Variants in R3HCC1L observed in about 807,000 individuals in gnomAD.
R3HCC1L encodes the protein coiled-coil domain-containing protein R3HCC1L.
In R3HCC1L, 51 loss-of-function variants were observed where a neutral mutation model predicts 59.9. The observed-to-expected ratio is 0.85, with a 90% CI of 0.68 to 1.07. The LOEUF is 1.07. Ranked by LOEUF, R3HCC1L falls within the 50% of genes least tolerant of loss-of-function variation. The pLI, the probability that R3HCC1L is intolerant of heterozygous loss-of-function variation, is 0.00. For synonymous variants in R3HCC1L, 322 were observed against 315.2 expected, an observed-to-expected ratio of 1.02 and a Z score of -0.23; for missense variants, 965 against 933.0, an observed-to-expected ratio of 1.03 and a Z score of -0.45.
At chr10:98,191,355 G>A (rs937939742) in intron 4 of R3HCC1L, among the ~76,000 whole-genome samples, 3 of 152,292 alleles carry the variant, frequency 2.0e-5, no homozygotes, top group East Asian at 1.9e-4. Flanking sequence ...TCTAACTGGC[G>A]TGAGATGGTA....
intron 5 of R3HCC1L, among the ~76,000 whole-genome samples, chr10:98,220,407 TA>T (rs1854760464): frequency 9.2e-6 from 1 of 108,128 alleles, no homozygotes; most frequent in Non-Finnish European, 2.3e-5. Flanking sequence ...TTTTATACTC[TA>T]AGTTTTAGGG....
At chr10:98,174,904 C>A in intron 4 of R3HCC1L, 1 of 484,654 alleles carries the variant, frequency 2.1e-6, no homozygotes, top group Non-Finnish European at 2.7e-6. Context: ...ATTACCTTGG[C>A]ATTCTCGGAG....
chr10:98,198,411 C>T (rs4919185), intron 4 of R3HCC1L, among the ~76,000 whole-genome samples: 48,731 of 151,700 alleles, frequency 0.32, 7,989 homozygotes, highest in East Asian at 0.48. Flanking sequence ...TGCCAGTTTG[C>T]AAGTAGACCA....
At chr10:98,213,509 GAGGGAT>G (rs974576018) in intron 5 of R3HCC1L, among the ~76,000 whole-genome samples, 2 of 152,122 alleles carry the variant, frequency 1.3e-5, no homozygotes, top group African/African-American at 4.8e-5. Context: ...AAGGAGATTA[GAGGGAT>G]AGGACAGGGG....
rs7079762 is a variant in R3HCC1L at position 98,152,621 on chromosome 10, G to A, written c.-267-3472G>A. On this transcript the variant is annotated intron_variant, in intron 1 of 9. Coordinates refer to ENST00000298999, the MANE Select transcript of R3HCC1L (RefSeq NM_001351015.2). Reference sequence around the variant, plus strand: ...CCCAGCCGCCCATAGTCTGAGATGCGGGGAGCGCCTCTGCCCCGCCACCCC... The same window carrying A: ...CCCAGCCGCCCATAGTCTGAGATGCAGGGAGCGCCTCTGCCCCGCCACCCC... 7.6e-3 allele frequency among the ~76,000 whole-genome samples: 968 copies of A among 127,166 alleles called. 79 individuals carry two copies. The highest frequency in any genetic ancestry group is 0.023 in the African/African-American group (867 of 38,262). The allele number at this position is 127,166 out of a possible 152,430, so 83.4% of individuals were successfully genotyped here.
At chr10:98,228,953 T>C (rs1242593042) in intron 5 of R3HCC1L, among the ~76,000 whole-genome samples, 1 of 152,216 alleles carries the variant, frequency 6.6e-6, no homozygotes, top group Non-Finnish European at 1.5e-5. Flanking sequence ...ATCTCTGTTT[T>C]GGTACCAGTA....
At chr10:98,193,084 A>G (rs954774143) in intron 4 of R3HCC1L, among the ~76,000 whole-genome samples, 1 of 140,958 alleles carries the variant, frequency 7.1e-6, no homozygotes, top group African/African-American at 2.4e-5. Flanking sequence ...ATACCTTTTT[A>G]TGATAAAAAC....
chr10:98,232,562 T>G (rs368307145), intron 6 of R3HCC1L, among the ~76,000 whole-genome samples: 2 of 152,262 alleles, frequency 1.3e-5, no homozygotes, highest in African/African-American at 4.8e-5. Context: ...AGAAAGTTAT[T>G]AAGAAGATTT....
At position 98,197,202 on chromosome 10, in the gene R3HCC1L, A is replaced by G. The variant is rs572003567; in HGVS notation, c.-14-10899A>G. Among the ~76,000 whole-genome samples the G allele has an allele frequency of 2.5e-3, 315 of 125,494 alleles. 2 individuals are homozygous for G. The highest frequency in any genetic ancestry group is 0.022 in the South Asian group (71 of 3,270). The allele number at this position is 125,494 out of a possible 152,430, so 82.3% of individuals were successfully genotyped here. On this transcript the variant is annotated intron_variant, in intron 4 of 9. Transcript: ENST00000298999. Reference sequence around the variant, plus strand: ...TGACCTCGGATTACAGATGCAAGCCACCATGCCCCCCCCTCCACCCCTTCC... The same window carrying G: ...TGACCTCGGATTACAGATGCAAGCCGCCATGCCCCCCCCTCCACCCCTTCC...
At chr10:98,207,065 G>C (rs1852760861) in intron 4 of R3HCC1L, among the ~76,000 whole-genome samples, 1 of 152,208 alleles carries the variant, frequency 6.6e-6, no homozygotes, top group Non-Finnish European at 1.5e-5. Context: ...ATCTGGAATA[G>C]AGTGGACAGG....
intron 1 of R3HCC1L, among the ~76,000 whole-genome samples, chr10:98,135,739 C>A (rs1360534657): frequency 6.6e-6 from 1 of 152,208 alleles, no homozygotes. Flanking sequence ...AATTTAGACT[C>A]TTCTTCCTCA....
Position 98,152,538 on chromosome 10 carries a change from A to G in R3HCC1L, c.-267-3555A>G, listed in dbSNP as rs1846306528. ...TCTCTGCCCGGCCGCCCAGTCTGGG[A>G]AGTGAGGAGCGCCTCTTCCCGGCCG... is the stretch of plus-strand genomic sequence containing the variant. On this transcript the variant is annotated intron_variant, in intron 1 of 9. Coordinates refer to ENST00000298999, the MANE Select transcript of R3HCC1L (RefSeq NM_001351015.2). Among the ~76,000 whole-genome samples, 2 of 122,894 alleles carry G rather than the reference A, an allele frequency of 1.6e-5. 1 individual carries two copies. The highest frequency in any genetic ancestry group is 3.6e-5 in the Non-Finnish European group (2 of 55,122). 80.6% of individuals were successfully genotyped at this position (122,894 alleles called of 152,430 possible).
At chr10:98,191,573 A>T (rs924963429) in intron 4 of R3HCC1L, among the ~76,000 whole-genome samples, 1 of 152,076 alleles carries the variant, frequency 6.6e-6, no homozygotes, top group South Asian at 2.1e-4. Flanking sequence ...AGATGAGTAG[A>T]TTGCAAAAAT....
At position 98,206,227 on chromosome 10, in the gene R3HCC1L, TTTG is replaced by T. The variant is rs201863777; in HGVS notation, c.-14-1873_-14-1871del. On this transcript the variant is annotated intron_variant, in intron 4 of 9. Transcript: ENST00000298999. ...ACCTTTTTAAACATCACATCACTAT[TTTG>T]GGGCTTTTATTGACCTTGTGAACAA... Among the ~76,000 whole-genome samples the T allele has an allele frequency of 9.3e-5, 11 of 118,618 alleles. No homozygotes were observed. The East Asian group carries it at 2.8e-3, about 30-fold the overall frequency. 77.8% of individuals were successfully genotyped at this position (118,618 alleles called of 152,430 possible).
intron 4 of R3HCC1L, among the ~76,000 whole-genome samples, chr10:98,177,020 T>A (rs187042839): frequency 0.019 from 2,826 of 152,238 alleles, 39 homozygotes; most frequent in Non-Finnish European, 0.026. Flanking sequence ...GAACATTTTT[T>A]AAAATTAATT....
chr10:98,208,831 A>G lies in R3HCC1L; in HGVS notation c.717A>G (p.Leu239=), dbSNP rs558552458. 1 of 1,614,130 alleles carries G rather than the reference A, an allele frequency of 6.2e-7. No individual in the cohort carries two copies. Among genetic ancestry groups the G allele is most frequent in the African/African-American group, 1.3e-5 (1 of 75,046 alleles). Residue 239 remains leucine, a synonymous_variant, in exon 5 of 10, where the codon CTA becomes CTG. Coordinates refer to ENST00000298999, the MANE Select transcript of R3HCC1L (RefSeq NM_001351015.2). The part of the protein sequence containing the change: ...KPENMIVPIK[L]SSDSEIVQQS... Reference sequence around the variant, plus strand: ...AGAATATGATTGTACCAATAAAACTAAGCTCTGATTCTGAAATTGTACAAC... The same window carrying G: ...AGAATATGATTGTACCAATAAAACTGAGCTCTGATTCTGAAATTGTACAAC...
rs537264812 is a variant in R3HCC1L at position 98,144,541 on chromosome 10, G to A, written c.-268+9835G>A. Among the ~76,000 whole-genome samples the A allele has an allele frequency of 1.7e-4, 26 of 152,220 alleles. No individual in the cohort carries two copies. The East Asian group carries it at 2.9e-3, about 17-fold the overall frequency. On this transcript the variant is annotated intron_variant, in intron 1 of 9. Coordinates refer to ENST00000298999, the MANE Select transcript of R3HCC1L (RefSeq NM_001351015.2). ...GGCAGTAATCTTTAGATTTGTCTTC[G>A]TTTTGGATGGGAACCTAGGAGACTG...
At chr10:98,220,844 T>TG (rs1259134863) in intron 5 of R3HCC1L, among the ~76,000 whole-genome samples, 7 of 148,450 alleles carry the variant, frequency 4.7e-5, no homozygotes, top group Non-Finnish European at 9.0e-5. Context: ...AACATACGTG[T>TG]GCATGTGTCT....
intron 5 of R3HCC1L, among the ~76,000 whole-genome samples, chr10:98,231,274 A>T (rs1466711239): frequency 6.6e-6 from 1 of 152,150 alleles, no homozygotes; most frequent in Non-Finnish European, 1.5e-5. Context: ...AGTTTCATGC[A>T]TTGCCTGTCT....
Sources: allele counts gnomAD v4.1 joint callset (sites outside exome capture counted in the v4.1 genomes callset), GRCh38; gene constraint gnomAD v4.1.1; transcripts MANE v1.5; gene names NCBI Gene and HGNC (gene_info 2026-07-23, HGNC 2026-07-21).